The following PRKAR1B variants were observed in gnomAD, a reference collection of about 807,000 sequenced individuals.
PRKAR1B encodes protein kinase cAMP-dependent type I regulatory subunit beta, also known as cAMP-dependent protein kinase type I-beta regulatory subunit.
In PRKAR1B, 22 loss-of-function variants were observed where a neutral mutation model predicts 46.5. The observed-to-expected ratio is 0.47, with a 90% CI of 0.34 to 0.68. The LOEUF (loss-of-function observed/expected upper bound fraction) is 0.68, where lower values mean the gene tolerates loss of function less well. PRKAR1B is among the 30% of genes least tolerant of loss of function. The pLI is 0.01. For synonymous variants in PRKAR1B, 259 were observed against 217.7 expected (o/e 1.19, Z -1.67); for missense variants, 445 against 535.6 (o/e 0.83, Z 1.67).
intron 5 of PRKAR1B, among the ~76,000 whole-genome samples, chr7:606,758 A>C (rs1251760184): frequency 7.4e-6 from 1 of 135,168 alleles, no homozygotes; most frequent in Admixed American, 7.7e-5. Flanking sequence ...TCACAATGAG[A>C]ATTTTATGCG....
chr7:639,140 T>C (rs902243654), intron 4 of PRKAR1B, among the ~76,000 whole-genome samples: 2 of 152,142 alleles, frequency 1.3e-5, no homozygotes, highest in African/African-American at 4.8e-5. Context: ...CACTTGGAAA[T>C]AGCCGAGACA....
chr7:628,774 TCTCC>T (rs1783558626), intron 4 of PRKAR1B, among the ~76,000 whole-genome samples: 1 of 150,316 alleles, frequency 6.7e-6, no homozygotes, highest in Non-Finnish European at 1.5e-5. Flanking sequence ...CCCCTGACCA[TCTCC>T]CTCCCTCGCC....
At chr7:685,289 T>TATATATACGTATATATACGTATATATAC (rs1491565815) in intron 2 of PRKAR1B, among the ~76,000 whole-genome samples, 1 of 12,194 alleles carries the variant, frequency 8.2e-5, no homozygotes, top group African/African-American at 5.0e-4. Context: ...CGTATATATA[T>TATATATACGTATATATACGTATATATAC]GTATACATAT....
In PRKAR1B at chr7:622,054, T is replaced by C. The variant is rs180995739; in HGVS notation, c.441-14602A>G. ...ACCACTCTGGCTTTTTTATTCCTTT[T>C]TGTTGGCTTACATTGCTAATATATT... is the stretch of plus-strand genomic sequence containing the variant. On this transcript the variant is annotated intron_variant, in intron 4 of 10. Transcript: ENST00000537384. Among the ~76,000 whole-genome samples, 13 of 152,354 alleles carry C rather than the reference T, an allele frequency of 8.5e-5. 1 individual carries two copies. The East Asian group carries it at 9.6e-4, about 11-fold the overall frequency.
In PRKAR1B at chr7:670,488, G is replaced by A. The variant is rs113107461; in HGVS notation, c.440+6741C>T. Among the ~76,000 whole-genome samples the A allele has an allele frequency of 8.8e-3, 1,306 of 148,294 alleles. 23 individuals are homozygous for A. The highest frequency in any genetic ancestry group is 0.029 in the African/African-American group (1,148 of 40,230). On this transcript the variant is annotated intron_variant, in intron 4 of 10. Coordinates refer to ENST00000537384, the MANE Select transcript of PRKAR1B (RefSeq NM_001164760.2). The stretch of plus-strand genomic sequence containing the variant: ...CCTCTGAGCTCCCCCATGCCACAGC[G>A]TCCAGCAGAGGGGCTCAGGACCGAG...
rs2128424863 is a variant in PRKAR1B at position 560,348 on chromosome 7, T to C, written c.892-8878A>G. 7.7e-6 allele frequency among the ~76,000 whole-genome samples: 1 copy of C among 130,270 alleles called. No individual in the cohort carries two copies. The highest frequency in any genetic ancestry group is 2.3e-4 in the South Asian group (1 of 4,348). The allele number at this position is 130,270 out of a possible 152,430, so 85.5% of individuals were successfully genotyped here. A position where few individuals can be genotyped will look rare whatever the true frequency, so the allele number is the denominator to read the frequency against. On this transcript the variant is annotated intron_variant, in intron 9 of 10. Transcript: ENST00000537384. This position sits in a 1 kb window ranked among gnomAD's most constrained non-coding sequence, Gnocchi z 4.2. ...GCATTTCTTCATAGCAGTGTTAGAA[T>C]GAACTAATACAAATAATAATAATAA...
rs1035731629 is a variant in PRKAR1B at position 726,669 on chromosome 7, G to T, written c.-23+541C>A. On this transcript the variant is annotated intron_variant, in intron 1 of 10. Coordinates refer to ENST00000537384, the MANE Select transcript of PRKAR1B (RefSeq NM_001164760.2). Reference sequence around the variant, plus strand: ...GACCGGAAGTGCTGCCGTAATCTGCGCTGAGAGTCGCGAAAGCGCTGTTCC... The same window carrying T: ...GACCGGAAGTGCTGCCGTAATCTGCTCTGAGAGTCGCGAAAGCGCTGTTCC... 3 of 1,199,368 alleles carry T rather than the reference G, an allele frequency of 2.5e-6. No individual in the cohort carries two copies. In the South Asian group the frequency reaches 1.2e-4, roughly 50 times the overall value. 74.3% of individuals were successfully genotyped at this position (1,199,368 alleles called of 1,614,324 possible).
intron 1 of PRKAR1B, among the ~76,000 whole-genome samples, chr7:712,077 G>C (rs1229520698): frequency 6.6e-6 from 1 of 151,836 alleles, no homozygotes; most frequent in East Asian, 2.0e-4. Context: ...GGTGGGGTGC[G>C]GGAGAACAAA....
intron 4 of PRKAR1B, among the ~76,000 whole-genome samples, chr7:671,168 C>T (rs1041915354): frequency 7.2e-5 from 11 of 152,202 alleles, no homozygotes; most frequent in Admixed American, 5.9e-4. Flanking sequence ...CCCAACCCAC[C>T]GCTTCTCCGT....
In PRKAR1B at chr7:695,695, G is replaced by A. The variant is rs564070534; in HGVS notation, c.178-14969C>T. Among the ~76,000 whole-genome samples the A allele has an allele frequency of 8.6e-5, 13 of 151,688 alleles. 1 individual carries two copies. In the South Asian group the frequency reaches 1.9e-3, roughly 22 times the overall value. On this transcript the variant is annotated intron_variant, in intron 2 of 10. Transcript: ENST00000537384. ...TGTTTTTTTTTTGAGACGGAGTCTC[G>A]CTCTGTCGCCCAGGCTGGAGTGTAG... is the stretch of plus-strand genomic sequence containing the variant.
intron 8 of PRKAR1B, among the ~76,000 whole-genome samples, chr7:584,007 C>T (rs1017408987): frequency 6.6e-6 from 1 of 152,208 alleles, no homozygotes; most frequent in African/African-American, 2.4e-5. Context: ...ACACCTGAAA[C>T]CCCAGCCTGC....
chr7:636,701 C>T (rs1372606433), intron 4 of PRKAR1B, among the ~76,000 whole-genome samples: 1 of 152,234 alleles, frequency 6.6e-6, no homozygotes, highest in Non-Finnish European at 1.5e-5. Flanking sequence ...TTTCCACCCT[C>T]ACAGAGGCTG....
chr7:661,419 G>T (rs1262207542), intron 4 of PRKAR1B, among the ~76,000 whole-genome samples: 15 of 55,464 alleles, frequency 2.7e-4, no homozygotes, highest in African/African-American at 5.0e-4. Context: ...CATGGCACAG[G>T]TCCCCACCCC....
At chr7:657,595 G>A (rs1397742746) in intron 4 of PRKAR1B, among the ~76,000 whole-genome samples, 4 of 152,212 alleles carry the variant, frequency 2.6e-5, no homozygotes, top group Admixed American at 6.5e-5. Flanking sequence ...GCAGTACCCA[G>A]CGGCGCCAGG....
chr7:564,504 C>T (rs901020227), intron 9 of PRKAR1B, among the ~76,000 whole-genome samples: 6 of 152,216 alleles, frequency 3.9e-5, no homozygotes, highest in African/African-American at 7.2e-5. Context: ...GGCAAGCCCA[C>T]GTCCTCTCCA....
intron 4 of PRKAR1B, among the ~76,000 whole-genome samples, chr7:655,287 C>T (rs1166236161): frequency 6.6e-6 from 1 of 152,208 alleles, no homozygotes; most frequent in African/African-American, 2.4e-5. Context: ...GTTTTCATCA[C>T]CTGTCAATGG....
intron 1 of PRKAR1B, among the ~76,000 whole-genome samples, chr7:720,602 G>C (rs770079749): frequency 6.6e-6 from 1 of 152,222 alleles, no homozygotes; most frequent in Non-Finnish European, 1.5e-5. Context: ...TGCAACAGCA[G>C]GCTTGTCTCT....
At chr7:715,178 G>C (rs1052948355) in intron 1 of PRKAR1B, among the ~76,000 whole-genome samples, 2 of 152,032 alleles carry the variant, frequency 1.3e-5, no homozygotes, top group Non-Finnish European at 2.9e-5. Flanking sequence ...ACTCCGTCTC[G>C]AAATAAATAA....
At chr7:588,867 ATGTTGGTGAGGATAGTGACAGTGG>A (rs2128451415) in intron 7 of PRKAR1B, among the ~76,000 whole-genome samples, 1 of 51,160 alleles carries the variant, frequency 2.0e-5, no homozygotes, top group Non-Finnish European at 3.9e-5. Flanking sequence ...GATGGTGGTG[ATGTTGGTGAGGATAGTGACAGTGG>A]TGGTGATGGT....
Sources: gnomAD v4.1 joint callset for allele counts (sites outside exome capture counted in the v4.1 genomes callset) on GRCh38, gnomAD v4.1.1 for gene constraint, Gnocchi (gnomAD v3.1) non-coding constraint, MANE v1.5 for transcripts, NCBI Gene and HGNC (gene_info 2026-07-23, HGNC 2026-07-21) for gene names.